The following DUSP22 variants were observed in gnomAD, a reference collection of about 807,000 sequenced individuals.
DUSP22 encodes dual specificity protein phosphatase 22.
DUSP22 carries 24 observed loss-of-function variants against 24.5 expected under a neutral mutation model. The ratio of observed to expected loss-of-function variants is 0.98; its 90% CI spans 0.71 to 1.38. The LOEUF is 1.38. Ranked by LOEUF, DUSP22 falls within the 40% of genes most tolerant of loss-of-function variation. The pLI is 0.00. For missense variants in DUSP22, 330 were observed against 269.2 expected, an observed-to-expected ratio of 1.23 and a Z score of -1.58; for synonymous variants, 160 against 106.4, an observed-to-expected ratio of 1.50 and a Z score of -3.10.
rs1315137578 is a variant in DUSP22, at chr6:349,142, G to A, written c.*191G>A. 11 of 1,435,732 alleles carry A rather than the reference G, an allele frequency of 7.7e-6. No homozygotes were observed. Among genetic ancestry groups the A allele is most frequent in the Non-Finnish European group, 1.0e-5 (11 of 1,101,028 alleles). 88.9% of individuals were successfully genotyped at this position (1,435,732 alleles called of 1,614,324 possible). A position where few individuals can be genotyped will look rare whatever the true frequency, so the allele number is the denominator to read the frequency against. On this transcript the variant is annotated 3_prime_UTR_variant, in exon 7 of 7. Transcript: ENST00000419235. ...CCTGCACTCCGCCCACCCCTACCCT[G>A]GCTGCACCTGAGCTTGCTGCCCCTG...
rs1025516126 is a variant in DUSP22, at chr6:349,126, C to T, written c.*175C>T. The T allele has an allele frequency of 2.9e-5, 42 of 1,440,326 alleles. No homozygotes were observed. The highest frequency in any genetic ancestry group is 8.9e-5 in the South Asian group (6 of 67,330). 89.2% of individuals were successfully genotyped at this position (1,440,326 alleles called of 1,614,324 possible). On this transcript the variant is annotated 3_prime_UTR_variant, in exon 7 of 7. Coordinates refer to ENST00000419235, the MANE Select transcript of DUSP22 (RefSeq NM_001286555.3). Reference sequence around the variant, plus strand: ...AGCCCTGCTCCAGGCCCCTGCACTCCGCCCACCCCTACCCTGGCTGCACCT... The same window carrying T: ...AGCCCTGCTCCAGGCCCCTGCACTCTGCCCACCCCTACCCTGGCTGCACCT...
At chr6:295,772 C>T in intron 1 of DUSP22, among the ~76,000 whole-genome samples, 1 of 150,810 alleles carries the variant, frequency 6.6e-6, no homozygotes, top group Non-Finnish European at 1.5e-5. Flanking sequence ...CGCACTCCAG[C>T]CTGAGCGACA....
At chr6:301,834 C>G (rs1020623190) in intron 1 of DUSP22, among the ~76,000 whole-genome samples, 2 of 152,424 alleles carry the variant, frequency 1.3e-5, no homozygotes, top group Admixed American at 1.3e-4. Flanking sequence ...AGCCGGGCTC[C>G]AGACGATGAA....
At chr6:344,039 C>T (rs6925500) in intron 4 of DUSP22, among the ~76,000 whole-genome samples, 240 of 152,318 alleles carry the variant, frequency 1.6e-3, no homozygotes, top group African/African-American at 5.3e-3. Context: ...AGCACTTAAC[C>T]CACAAACCAG....
intron 3 of DUSP22, among the ~76,000 whole-genome samples, chr6:328,188 G>A (rs1396307726): frequency 6.6e-6 from 1 of 152,306 alleles, no homozygotes; most frequent in African/African-American, 2.4e-5. Flanking sequence ...ACCACGGAAT[G>A]CCTTGGTCCC....
At chr6:319,913 A>G (rs1180510036) in intron 3 of DUSP22, 4 of 152,368 alleles carry the variant, frequency 2.6e-5, no homozygotes, top group African/African-American at 7.2e-5. Context: ...ATATGACTCA[A>G]ATAGAAATGA....
intron 1 of DUSP22, among the ~76,000 whole-genome samples, chr6:298,946 G>A (rs555339702): frequency 6.6e-6 from 1 of 152,424 alleles, no homozygotes; most frequent in Non-Finnish European, 1.5e-5. Context: ...ATAAAACAAG[G>A]CGATATGAGA....
At chr6:328,002 A>G (rs1264784369) in intron 3 of DUSP22, among the ~76,000 whole-genome samples, 3 of 152,304 alleles carry the variant, frequency 2.0e-5, no homozygotes, top group African/African-American at 7.2e-5. Flanking sequence ...GAGCCACTGA[A>G]TATTTTTCAG....
At chr6:299,280 C>G (rs3800241) in intron 1 of DUSP22, among the ~76,000 whole-genome samples, 16,160 of 147,752 alleles carry the variant, frequency 0.11, 46 homozygotes, top group East Asian at 0.29. Context: ...AGATAAACAC[C>G]TTGTGGTTCC....
intron 4 of DUSP22, among the ~76,000 whole-genome samples, chr6:343,030 T>A (rs1759683728): frequency 6.7e-6 from 1 of 150,044 alleles, no homozygotes; most frequent in Non-Finnish European, 1.5e-5. Context: ...GCTCCCTTCG[T>A]GCCCCACTCT....
chr6:323,823 A>G (rs2127405532), intron 3 of DUSP22, among the ~76,000 whole-genome samples: 1 of 152,428 alleles, frequency 6.6e-6, no homozygotes, highest in East Asian at 1.9e-4. Context: ...GGGGTAGAAT[A>G]GGTACAAATC....
chr6:349,870 GCC>G lies in DUSP22; in HGVS notation c.*922_*923del, dbSNP rs1760107247. 1.0e-6 allele frequency: 1 copy of G among 985,838 alleles called. No homozygotes were observed. The highest frequency in any genetic ancestry group is 1.2e-6 in the Non-Finnish European group (1 of 830,318). The allele number at this position is 985,838 out of a possible 1,614,324, so 61.1% of individuals were successfully genotyped here. A position where few individuals can be genotyped will look rare whatever the true frequency, so the allele number is the denominator to read the frequency against. ...AGGCGCACTTTAGCCTAAGTTGGGT[GCC>G]CCAGGGCACCCCCTCCTCTCTGCTC... On this transcript the variant is annotated 3_prime_UTR_variant, in exon 7 of 7. Coordinates refer to ENST00000419235, the MANE Select transcript of DUSP22 (RefSeq NM_001286555.3).
At chr6:319,384 C>T (rs191901343) in intron 3 of DUSP22, among the ~76,000 whole-genome samples, 23 of 152,054 alleles carry the variant, frequency 1.5e-4, no homozygotes, top group East Asian at 1.3e-3. Context: ...CTGTTGTCCA[C>T]GGCCGATTGG....
intron 1 of DUSP22, 77 bp from the exon 2 acceptor site, chr6:304,551 G>A (rs1757734891): frequency 5.0e-6 from 8 of 1,600,406 alleles, no homozygotes; most frequent in Non-Finnish European, 6.9e-6. Context: ...GGATCCTGCT[G>A]CTGGATGAGG....
At chr6:306,888 G>C (rs371210256) in intron 2 of DUSP22, among the ~76,000 whole-genome samples, 4,842 of 151,102 alleles carry the variant, frequency 0.032, 5 homozygotes, top group South Asian at 0.058. Context: ...TGGGAAGATG[G>C]AGTCTGTCTC....
intron 4 of DUSP22, among the ~76,000 whole-genome samples, chr6:343,754 C>A (rs1217080451): frequency 2.8e-5 from 2 of 70,846 alleles, no homozygotes; most frequent in African/African-American, 1.2e-4. Flanking sequence ...GTCCTCATCT[C>A]ACTGAGCACC....
chr6:316,904 T>G (rs1758361389), intron 3 of DUSP22, among the ~76,000 whole-genome samples: 1 of 152,308 alleles, frequency 6.6e-6, no homozygotes, highest in Non-Finnish European at 1.5e-5. Context: ...ACCAGGGTAT[T>G]GTATGTATAT....
rs1419004058 is a variant in DUSP22, at chr6:350,268, C to T, written c.*1317C>T. 2 of 988,888 alleles carry T rather than the reference C, an allele frequency of 2.0e-6. No homozygotes were observed. The highest frequency in any genetic ancestry group is 3.5e-5 in the African/African-American group (2 of 57,298). The allele number at this position is 988,888 out of a possible 1,614,324, so 61.3% of individuals were successfully genotyped here. A position where few individuals can be genotyped will look rare whatever the true frequency, so the allele number is the denominator to read the frequency against. ...ATGCTTTCTGGTGGGTAAAATTCCACATTCAGGCCACGAGAGCATCTACAG... is the reference window on the plus strand; with the variant it reads ...ATGCTTTCTGGTGGGTAAAATTCCATATTCAGGCCACGAGAGCATCTACAG... On this transcript the variant is annotated 3_prime_UTR_variant, in exon 7 of 7. Transcript: ENST00000419235.
In DUSP22 at chr6:311,967, G is replaced by A. The variant is rs1758127426; in HGVS notation, c.138+5G>A. On this transcript the variant is annotated splice_donor_5th_base_variant and intron_variant, in intron 3 of 6. Transcript: ENST00000419235. ...AGTGCCAGGCCTATGTTGGAGGTAA[G>A]AGAGCACCGTGGGGCGTGTGTGGGT... The A allele has an allele frequency of 1.2e-6, 2 of 1,610,498 alleles. No homozygotes were observed. The highest frequency in any genetic ancestry group is 1.7e-6 in the Non-Finnish European group (2 of 1,178,068).
Sources: allele counts gnomAD v4.1 joint callset (sites outside exome capture counted in the v4.1 genomes callset), GRCh38; gene constraint gnomAD v4.1.1; transcripts MANE v1.5; gene names NCBI Gene and HGNC (gene_info 2026-07-23, HGNC 2026-07-21).